Variants in DENND4A observed in about 807,000 individuals in gnomAD.
DENND4A encodes DENN domain containing 4A, also known as C-myc promoter-binding protein.
In DENND4A, 70 loss-of-function variants were observed where a neutral mutation model predicts 199.3. The ratio of observed to expected loss-of-function variants is 0.35; its 90% CI spans 0.29 to 0.43. The LOEUF (loss-of-function observed/expected upper bound fraction) is 0.43, where lower values mean the gene tolerates loss of function less well. DENND4A is among the 20% of genes least tolerant of loss of function. DENND4A has a pLI of 1.00. For missense variants in DENND4A, 1,723 were observed against 2,255.8 expected (o/e 0.76, Z 4.78); for synonymous variants, 686 against 766.9 (o/e 0.89, Z 1.74).
At position 65,696,263 on chromosome 15, in the gene DENND4A, T is replaced by A. The variant is rs1371466200; in HGVS notation, c.3082+103A>T. 5 of 1,414,376 alleles carry A rather than the reference T, an allele frequency of 3.5e-6. No homozygotes were observed. The African/African-American group carries it at 4.3e-5, about 12-fold the overall frequency. 87.6% of individuals were successfully genotyped at this position (1,414,376 alleles called of 1,614,324 possible). On this transcript the variant is annotated intron_variant, in intron 22 of 32. Coordinates refer to ENST00000443035, the MANE Select transcript of DENND4A (RefSeq NM_001320835.1). ...ATGAGAGGCTGCACAAAATATTTTTTAAAATCACCTTGGAGAATTAAGACT... is the reference window on the plus strand; with the variant it reads ...ATGAGAGGCTGCACAAAATATTTTTAAAAATCACCTTGGAGAATTAAGACT...
Position 65,737,833 on chromosome 15 carries a change from T to C in DENND4A, c.914A>G (p.Lys305Arg), listed in dbSNP as rs762930199. The C allele has an allele frequency of 2.5e-6, 4 of 1,603,014 alleles. No homozygotes were observed. The highest frequency in any genetic ancestry group is 2.2e-5 in the South Asian group (2 of 88,916). Residue 305 changes from lysine to arginine, a missense_variant, in exon 7 of 33, where the codon AAA becomes AGA. By Grantham distance (26) the Lys-to-Arg change is conservative. Transcript: ENST00000443035. Reference protein sequence around the residue: ...TSADGKSDSSKTIHTNKCICL... With the variant: ...TSADGKSDSSRTIHTNKCICL... ...GATGCATTTGTTAGTATGAATTGTT[T>C]TGGAACTATCAGACTTCCCATCTGC...
rs2076951222 is a variant in DENND4A, at chr15:65,691,009, G to A, written c.3585C>T (p.Ser1195=). ...TTTCAAAAGGTTTTACTGAAAAGCT[G>A]CTGTTCATACGTTGAATCCTCTTGG... is the stretch of plus-strand genomic sequence containing the variant. ...QNPKRIQRMN[S]SFSVKPFEKT... The change falls in exon 23 of 33, where the codon AGC becomes AGT. Residue 1195 remains serine (S), a synonymous_variant. Coordinates refer to ENST00000443035, the MANE Select transcript of DENND4A (RefSeq NM_001320835.1). 14 of 1,610,468 alleles carry A rather than the reference G, an allele frequency of 8.7e-6. No homozygotes were observed. Among genetic ancestry groups the A allele is most frequent in the Non-Finnish European group, 1.2e-5 (14 of 1,178,130 alleles).
At chr15:65,707,926 TC>T (rs1026401392) in intron 14 of DENND4A, among the ~76,000 whole-genome samples, 21 of 152,050 alleles carry the variant, frequency 1.4e-4, no homozygotes, top group African/African-American at 5.1e-4. Context: ...CCTTAGGTGA[TC>T]CGCCTGCCTT....
chr15:65,699,989 T>C (rs1279977931), intron 20 of DENND4A, among the ~76,000 whole-genome samples: 1 of 151,924 alleles, frequency 6.6e-6, no homozygotes, highest in African/African-American at 2.4e-5. Context: ...TAAAATGCTA[T>C]ATTTTTATAT....
rs2076957278 is a variant in DENND4A at position 65,691,174 on chromosome 15, C to T, written c.3420G>A (p.Lys1140=). Residue 1140 remains lysine (K), a synonymous_variant, in exon 23 of 33, where the codon AAG becomes AAA. Coordinates refer to ENST00000443035, the MANE Select transcript of DENND4A (RefSeq NM_001320835.1). The part of the protein sequence containing the change: ...PLRSKRDSLE[K]ESSDDDTPFD... ...AAGGTGTATCATCATCACTAGATTC[C>T]TTTTCTAGACTGTCTCTTTTTGATC... 3 of 1,613,464 alleles carry T rather than the reference C, an allele frequency of 1.9e-6. No individual in the cohort carries two copies. Among genetic ancestry groups the T allele is most frequent in the East Asian group, 2.2e-5 (1 of 44,866 alleles).
intron 29 of DENND4A, 62 bp from the exon 30 acceptor site, chr15:65,665,524 A>G: frequency 1.6e-6 from 2 of 1,286,760 alleles, no homozygotes; most frequent in Non-Finnish European, 2.1e-6. Flanking sequence ...TAAGTATTTT[A>G]TAAAATTCTT....
chr15:65,728,911 G>A (rs1299614556), intron 11 of DENND4A, 161 bp downstream of exon 11: 1 of 725,554 alleles, frequency 1.4e-6, no homozygotes. Flanking sequence ...CTACTCCATT[G>A]ACGCATAATA....
intron 3 of DENND4A, among the ~76,000 whole-genome samples, chr15:65,755,103 T>C (rs762244120): frequency 2.0e-5 from 3 of 152,216 alleles, no homozygotes; most frequent in South Asian, 2.1e-4. Context: ...TACTATAACA[T>C]GGATGAACCT....
intron 1 of DENND4A, among the ~76,000 whole-genome samples, chr15:65,779,102 A>G (rs776135135): frequency 6.6e-6 from 1 of 152,092 alleles, no homozygotes; most frequent in Non-Finnish European, 1.5e-5. Flanking sequence ...CATGTCTAGA[A>G]TAAATAAATA....
chr15:65,734,023 T>C (rs1412948897), intron 7 of DENND4A, among the ~76,000 whole-genome samples: 1 of 152,192 alleles, frequency 6.6e-6, no homozygotes, highest in Non-Finnish European at 1.5e-5. Flanking sequence ...GTCTGAAATA[T>C]GGCCTCGTGG....
chr15:65,720,940 TC>T (rs2075603137), intron 12 of DENND4A, among the ~76,000 whole-genome samples: 1 of 120,754 alleles, frequency 8.3e-6, no homozygotes, highest in African/African-American at 3.1e-5. Flanking sequence ...ATGGGCTGTT[TC>T]ATTGATTATA....
intron 7 of DENND4A, among the ~76,000 whole-genome samples, chr15:65,734,911 GTC>G (rs1394538074): frequency 1.3e-5 from 2 of 152,008 alleles, no homozygotes; most frequent in Non-Finnish European, 2.9e-5. Context: ...GTGAAATCCT[GTC>G]TCTACAAAAA....
chr15:65,710,485 A>G (rs1258514474), intron 14 of DENND4A, among the ~76,000 whole-genome samples: 1 of 152,218 alleles, frequency 6.6e-6, no homozygotes, highest in East Asian at 1.9e-4. Flanking sequence ...TCGTAAGGGA[A>G]GCTCAGTGAG....
intron 1 of DENND4A, among the ~76,000 whole-genome samples, chr15:65,782,383 A>C (rs1454902619): frequency 6.6e-6 from 1 of 151,766 alleles, no homozygotes; most frequent in African/African-American, 2.4e-5. Context: ...TACTCTAAGG[A>C]CCCTCTTTCG....
intron 14 of DENND4A, among the ~76,000 whole-genome samples, chr15:65,712,319 T>C (rs1216926253): frequency 6.6e-6 from 1 of 152,194 alleles, no homozygotes; most frequent in Non-Finnish European, 1.5e-5. Flanking sequence ...TATGAAATGA[T>C]AAACCAAATG....
chr15:65,685,757 TATCTC>T (rs368976225), intron 23 of DENND4A, among the ~76,000 whole-genome samples: 1 of 152,248 alleles, frequency 6.6e-6, no homozygotes, highest in Non-Finnish European at 1.5e-5. Context: ...GATATCCAAT[TATCTC>T]AGCACCATTT....
Position 65,737,774 on chromosome 15 carries a change from A to T in DENND4A, c.973T>A (p.Phe325Ile). Residue 325 changes from phenylalanine to isoleucine, a missense_variant, in exon 7 of 33, where the codon TTC becomes ATC. This residue lies in a region of DENND4A where 725 missense variants were observed against 952.9 expected (regional missense o/e 0.76). Transcript: ENST00000443035. ...LLSHWPFFDAFRKFLTFLYRY... is the reference protein window; with the variant it reads ...LLSHWPFFDAIRKFLTFLYRY... Reference sequence around the variant, plus strand: ...TACAGAAAAGTCAGAAACTTCCTGAATGCATCAAAAAAAGGCCAGTGAGAA... The same window carrying T: ...TACAGAAAAGTCAGAAACTTCCTGATTGCATCAAAAAAAGGCCAGTGAGAA... The T allele has an allele frequency of 6.3e-7, 1 of 1,593,992 alleles. No homozygotes were observed. Among genetic ancestry groups the T allele is most frequent in the Non-Finnish European group, 8.5e-7 (1 of 1,169,634 alleles).
intron 13 of DENND4A, 92 bp downstream of exon 13, chr15:65,717,686 C>T (rs2075450555): frequency 8.7e-7 from 1 of 1,151,054 alleles, no homozygotes; most frequent in African/African-American, 1.6e-5. Flanking sequence ...TATGTATTCT[C>T]ATAAATATGA....
chr15:65,682,661 G>A (rs2076620024), intron 23 of DENND4A, among the ~76,000 whole-genome samples: 2 of 152,168 alleles, frequency 1.3e-5, no homozygotes, highest in African/African-American at 2.4e-5. Flanking sequence ...TTTGGTGCAG[G>A]AGACCTCACT....
Sources: gnomAD v4.1 joint callset for allele counts (sites outside exome capture counted in the v4.1 genomes callset) on GRCh38, gnomAD v4.1.1 for gene constraint, gnomAD v4.1.1 regional missense constraint, MANE v1.5 for transcripts, NCBI Gene and HGNC (gene_info 2026-07-23, HGNC 2026-07-21) for gene names.